Variants in ZBTB20 observed in about 807,000 individuals in gnomAD.
The protein encoded by ZBTB20 is zinc finger and BTB domain-containing protein 20.
ZBTB20 carries 9 observed loss-of-function variants against 56.9 expected under a neutral mutation model. The ratio of observed to expected loss-of-function variants is 0.16; its 90% CI spans 0.10 to 0.28. ZBTB20 has a LOEUF of 0.28. ZBTB20 is among the 10% of genes least tolerant of loss of function. The probability of loss-of-function intolerance (pLI) is 1.00; values close to 1 mark genes in which losing one functional copy is unlikely to be tolerated. For synonymous variants in ZBTB20, 417 were observed against 420.7 expected, an observed-to-expected ratio of 0.99 and a Z score of 0.11; for missense variants, 655 against 1,003.0, an observed-to-expected ratio of 0.65 and a Z score of 4.69.
chr3:115,096,453 T>C lies in ZBTB20; in HGVS notation c.-702-25039A>G, dbSNP rs1254941009. 1.3e-5 allele frequency among the ~76,000 whole-genome samples: 2 copies of C among 152,332 alleles called. 1 individual carries two copies. Among genetic ancestry groups the C allele is most frequent in the South Asian group, 4.1e-4 (2 of 4,828 alleles). On this transcript the variant is annotated intron_variant, in intron 1 of 11. Coordinates refer to ENST00000675478, the MANE Select transcript of ZBTB20 (RefSeq NM_001348800.3). Reference sequence around the variant, plus strand: ...GTCTCCCACCAAAAATGTAGTTTGTTAAAATATATTTATAAAGTGACCTCC... The same window carrying C: ...GTCTCCCACCAAAAATGTAGTTTGTCAAAATATATTTATAAAGTGACCTCC...
chr3:114,977,424 A>G lies in ZBTB20; in HGVS notation c.-506-3008T>C, dbSNP rs897763862. Among the ~76,000 whole-genome samples the G allele has an allele frequency of 3.7e-4, 57 of 152,228 alleles. 1 individual carries two copies. Among genetic ancestry groups the G allele is most frequent in the African/African-American group, 1.4e-3 (57 of 41,462 alleles). The stretch of plus-strand genomic sequence containing the variant: ...ATTAGGTTTGAGTCCTATAGCAAAG[A>G]AGCAGAGAACAAGGTAGGTTCTTTC... On this transcript the variant is annotated intron_variant, in intron 2 of 11. Coordinates refer to ENST00000675478, the MANE Select transcript of ZBTB20 (RefSeq NM_001348800.3).
chr3:114,896,742 A>G (rs985932229), intron 4 of ZBTB20, among the ~76,000 whole-genome samples: 3 of 152,134 alleles, frequency 2.0e-5, no homozygotes, highest in East Asian at 3.8e-4. Flanking sequence ...TGTATACCAA[A>G]AAATAGTTAA....
chr3:114,343,884 C>T (rs1194046127), intron 11 of ZBTB20, among the ~76,000 whole-genome samples: 9 of 152,100 alleles, frequency 5.9e-5, no homozygotes, highest in Admixed American at 5.9e-4. Context: ...CACATCTCTA[C>T]TAAAAATACA....
chr3:114,721,639 TG>T (rs1204692064), intron 5 of ZBTB20, among the ~76,000 whole-genome samples: 1 of 152,164 alleles, frequency 6.6e-6, no homozygotes, highest in Non-Finnish European at 1.5e-5. Flanking sequence ...AGTTAGTAAG[TG>T]GTGAAGCCTG....
chr3:114,732,790 G>A (rs1351039898), intron 5 of ZBTB20, among the ~76,000 whole-genome samples: 1 of 152,130 alleles, frequency 6.6e-6, no homozygotes, highest in Non-Finnish European at 1.5e-5. Flanking sequence ...GACTTTAAAT[G>A]CACAAATCAG....
At chr3:114,779,925 T>C (rs2069943001) in intron 5 of ZBTB20, among the ~76,000 whole-genome samples, 1 of 152,188 alleles carries the variant, frequency 6.6e-6, no homozygotes, top group Non-Finnish European at 1.5e-5. Flanking sequence ...GTCTTCAAAG[T>C]GGGTAGATTT....
chr3:114,878,119 G>A (rs2076263411), intron 4 of ZBTB20, among the ~76,000 whole-genome samples: 2 of 151,892 alleles, frequency 1.3e-5, no homozygotes. Context: ...ACAATTCAGG[G>A]GTCCAAGTTC....
chr3:114,801,576 A>G (rs1282240005), intron 4 of ZBTB20, among the ~76,000 whole-genome samples: 1 of 151,846 alleles, frequency 6.6e-6, no homozygotes, highest in Non-Finnish European at 1.5e-5. Context: ...AATAAAGAAG[A>G]AAATCTATGG....
intron 7 of ZBTB20, among the ~76,000 whole-genome samples, chr3:114,428,468 GA>G (rs1278756024): frequency 6.6e-6 from 1 of 152,236 alleles, no homozygotes; most frequent in Non-Finnish European, 1.5e-5. Flanking sequence ...AAGGGGCCCA[GA>G]AGTGGGGAAC....
chr3:115,022,417 G>A (rs540336577), intron 2 of ZBTB20, among the ~76,000 whole-genome samples: 7 of 151,044 alleles, frequency 4.6e-5, no homozygotes, highest in African/African-American at 9.7e-5. Context: ...CACAATGTGC[G>A]AACAATGTTG....
intron 1 of ZBTB20, among the ~76,000 whole-genome samples, chr3:115,140,611 C>A (rs1190005214): frequency 6.6e-6 from 1 of 151,810 alleles, no homozygotes; most frequent in Non-Finnish European, 1.5e-5. Flanking sequence ...AGAGATTGTT[C>A]TATTAATAGT....
At chr3:114,358,406 T>C (rs2081463095) in intron 10 of ZBTB20, among the ~76,000 whole-genome samples, 1 of 152,202 alleles carries the variant, frequency 6.6e-6, no homozygotes, top group Non-Finnish European at 1.5e-5. Context: ...CTGACTTCTT[T>C]TTCCTCTCTT....
intron 10 of ZBTB20, among the ~76,000 whole-genome samples, chr3:114,373,211 G>C (rs1421477506): frequency 1.3e-5 from 2 of 152,224 alleles, no homozygotes; most frequent in Admixed American, 6.5e-5. Flanking sequence ...ACTGCGCCTT[G>C]CCCCCTCAGA....
intron 7 of ZBTB20, among the ~76,000 whole-genome samples, chr3:114,483,372 C>A (rs550312532): frequency 3.3e-5 from 5 of 151,720 alleles, no homozygotes; most frequent in Admixed American, 6.6e-5. Context: ...TGAAAGCATG[C>A]GAACTTATAA....
At chr3:115,051,979 T>A (rs1440526767) in intron 2 of ZBTB20, among the ~76,000 whole-genome samples, 1 of 151,808 alleles carries the variant, frequency 6.6e-6, no homozygotes, top group African/African-American at 2.4e-5. Context: ...TCACTCACTA[T>A]CATGAGAACA....
intron 2 of ZBTB20, among the ~76,000 whole-genome samples, chr3:114,992,289 T>C (rs555274041): frequency 1.3e-5 from 2 of 152,132 alleles, no homozygotes; most frequent in Admixed American, 6.6e-5. Flanking sequence ...ATATTAATCA[T>C]ATACATACTA....
intron 6 of ZBTB20, among the ~76,000 whole-genome samples, chr3:114,501,593 T>C (rs1215388967): frequency 4.2e-5 from 5 of 118,386 alleles, no homozygotes; most frequent in Admixed American, 9.8e-5. Context: ...GCCACTGCAC[T>C]CCAGCCTGGG....
intron 1 of ZBTB20, among the ~76,000 whole-genome samples, chr3:115,072,238 A>G (rs1322590762): frequency 2.0e-5 from 3 of 152,146 alleles, no homozygotes; most frequent in Admixed American, 6.6e-5. Context: ...TCCGAGTTGA[A>G]GCTCTATATC....
At chr3:114,716,274 C>T (rs781036258) in intron 5 of ZBTB20, among the ~76,000 whole-genome samples, 7 of 152,086 alleles carry the variant, frequency 4.6e-5, no homozygotes, top group Non-Finnish European at 8.8e-5. Flanking sequence ...TAATGGCAGC[C>T]GATTGCCATT....
Sources: allele counts gnomAD v4.1 joint callset (sites outside exome capture counted in the v4.1 genomes callset), GRCh38; gene constraint gnomAD v4.1.1; transcripts MANE v1.5; gene names NCBI Gene and HGNC (gene_info 2026-07-23, HGNC 2026-07-21).